Variants in NIPBL observed in about 807,000 individuals in gnomAD.
NIPBL encodes nipped-B-like protein.
A neutral mutation model predicts 321.8 loss-of-function variants in NIPBL; 19 were observed. The observed-to-expected ratio is 0.06, with a 90% CI of 0.04 to 0.09. NIPBL has a LOEUF of 0.09. Among genes scored for constraint, NIPBL ranks in the 10% least tolerant of loss-of-function variants. NIPBL has a pLI of 1.00. For missense variants in NIPBL, 2,210 were observed against 3,327.0 expected (o/e 0.66, Z 8.26); for synonymous variants, 1,106 against 1,114.1 (o/e 0.99, Z 0.14).
intron 42 of NIPBL, among the ~76,000 whole-genome samples, chr5:37,055,127 T>A (rs958136999): frequency 9.9e-5 from 15 of 151,994 alleles, no homozygotes; most frequent in African/African-American, 3.6e-4. Context: ...GGCAGATGGA[T>A]CACCTGAGGT....
At position 36,961,535 on chromosome 5, in the gene NIPBL, C is replaced by T. The variant is rs746963911; in HGVS notation, c.410C>T (p.Pro137Leu). ...TCTCAGAATTCCATGCACAGTAGTCCTGCATCTTCCAATTATCAACAAACC... is the reference window on the plus strand; with the variant it reads ...TCTCAGAATTCCATGCACAGTAGTCTTGCATCTTCCAATTATCAACAAACC... ...KLSQNSMHSS[P>L]ASSNYQQTTI... is the part of the protein sequence containing the mutation. The change falls in exon 5 of 47, where the codon CCT becomes CTT. Residue 137 changes from proline (P) to leucine (L), a missense_variant. Around this residue, in one of 14 missense-constraint regions of NIPBL, gnomAD observed 464 missense variants for 529.5 expected, o/e 0.88. Transcript: ENST00000282516. 6.2e-7 allele frequency: 1 copy of T among 1,612,244 alleles called. No individual in the cohort carries two copies. Among genetic ancestry groups the T allele is most frequent in the Non-Finnish European group, 8.5e-7 (1 of 1,178,452 alleles).
intron 9 of NIPBL, among the ~76,000 whole-genome samples, chr5:36,980,544 T>G (rs933205098): frequency 6.6e-6 from 1 of 151,676 alleles, no homozygotes; most frequent in African/African-American, 2.4e-5. Context: ...AGATATGTTT[T>G]AGATACACAG....
chr5:36,971,062 G>A, intron 7 of NIPBL, 26 bp downstream of exon 7: 1 of 1,587,652 alleles, frequency 6.3e-7, no homozygotes, highest in Non-Finnish European at 8.6e-7. Flanking sequence ...TCATTAAGGT[G>A]ATAAAATAGT....
At chr5:37,043,664 C>G (rs1752686552) in intron 34 of NIPBL, among the ~76,000 whole-genome samples, 1 of 152,216 alleles carries the variant, frequency 6.6e-6, no homozygotes, top group South Asian at 2.1e-4. Flanking sequence ...TGCCACTGCA[C>G]TCCAACCTGG....
At position 36,996,764 on chromosome 5, in the gene NIPBL, CT is replaced by C; in HGVS notation, c.3304+965del. ...AAGTGGGAAGACCACCAGTGTTCTA[CT>C]TTTTCCACCTAGTGTCCATAGATTG... On this transcript the variant is annotated intron_variant, in intron 11 of 46. Transcript: ENST00000282516. The surrounding 1 kb of genome is among the most constrained non-coding windows in gnomAD (Gnocchi z 5.0). 1 of 260,088 alleles carries C rather than the reference CT, an allele frequency of 3.8e-6. No individual in the cohort carries two copies. The highest frequency in any genetic ancestry group is 3.9e-5 in the South Asian group (1 of 25,760). 16.1% of individuals were successfully genotyped at this position (260,088 alleles called of 1,614,324 possible).
At chr5:37,035,461 T>C (rs1417084023) in intron 32 of NIPBL, among the ~76,000 whole-genome samples, 1 of 152,238 alleles carries the variant, frequency 6.6e-6, no homozygotes, top group Non-Finnish European at 1.5e-5. Flanking sequence ...GTTTTAATCA[T>C]TTATGCATCT....
At chr5:36,951,874 G>A (rs1740330846) in intron 1 of NIPBL, among the ~76,000 whole-genome samples, 1 of 151,960 alleles carries the variant, frequency 6.6e-6, no homozygotes, top group Non-Finnish European at 1.5e-5. Flanking sequence ...AGTAAAGAAT[G>A]TACATATAAA....
At chr5:37,016,485 G>A (rs768647146) in intron 23 of NIPBL, among the ~76,000 whole-genome samples, 38 of 151,778 alleles carry the variant, frequency 2.5e-4, no homozygotes, top group Non-Finnish European at 4.9e-4. Flanking sequence ...GCAAGAAAAT[G>A]ATTAATATAG....
intron 1 of NIPBL, among the ~76,000 whole-genome samples, chr5:36,938,121 G>A (rs560425713): frequency 2.4e-4 from 36 of 152,240 alleles, no homozygotes; most frequent in Admixed American, 4.6e-4. Context: ...TTTAGTGGGC[G>A]TGACATGACC....
intron 1 of NIPBL, among the ~76,000 whole-genome samples, chr5:36,907,199 T>C (rs1747704841): frequency 6.6e-6 from 1 of 152,220 alleles, no homozygotes; most frequent in African/African-American, 2.4e-5. Flanking sequence ...GGTGATGTTA[T>C]GCTCTCAGCA....
chr5:36,902,895 A>C (rs1747339367), intron 1 of NIPBL, among the ~76,000 whole-genome samples: 1 of 152,164 alleles, frequency 6.6e-6, no homozygotes, highest in Non-Finnish European at 1.5e-5. Context: ...CTTTCTATCC[A>C]TGATCATGGA....
intron 10 of NIPBL, among the ~76,000 whole-genome samples, chr5:36,992,962 C>G (rs372172343): frequency 5.5e-4 from 83 of 151,992 alleles, no homozygotes; most frequent in African/African-American, 1.9e-3. Context: ...AGGATGGTCT[C>G]GATCTCCTGA....
At chr5:37,038,791 T>C in intron 34 of NIPBL, 53 bp downstream of exon 34, 1 of 1,580,818 alleles carries the variant, frequency 6.3e-7, no homozygotes, top group Non-Finnish European at 8.6e-7. Context: ...TTAAGTGCTT[T>C]AAATTTAGAG....
intron 1 of NIPBL, among the ~76,000 whole-genome samples, 151 bp downstream of exon 1, chr5:36,877,329 C>T (rs1745161510): frequency 6.6e-6 from 1 of 152,140 alleles, no homozygotes; most frequent in Non-Finnish European, 1.5e-5. Flanking sequence ...TCTCTGGTGG[C>T]AGCCGCCTTG....
chr5:37,053,614 G>A (rs1753793892), intron 42 of NIPBL, among the ~76,000 whole-genome samples: 1 of 152,262 alleles, frequency 6.6e-6, no homozygotes, highest in African/African-American at 2.4e-5. Context: ...GGTTGACCAA[G>A]GGTAACTGAA....
At chr5:37,000,670 A>T in intron 12 of NIPBL, 100 bp downstream of exon 12, 2 of 1,359,930 alleles carry the variant, frequency 1.5e-6, no homozygotes, top group Non-Finnish European at 2.1e-6. Context: ...TTAATAACTA[A>T]TTTTCAATTA....
chr5:37,006,336 A>C (rs755594897), intron 16 of NIPBL, 21 bp from the exon 17 acceptor site: 1 of 1,281,376 alleles, frequency 7.8e-7, no homozygotes, highest in African/African-American at 1.5e-5. Flanking sequence ...TTTCCATTTC[A>C]TTAACAATAC....
chr5:36,937,426 A>G (rs190760174), intron 1 of NIPBL, among the ~76,000 whole-genome samples: 21 of 152,276 alleles, frequency 1.4e-4, no homozygotes, highest in African/African-American at 5.1e-4. Flanking sequence ...ATTCCTCTGA[A>G]TATTTCAAAT....
At chr5:37,018,761 C>T (rs1749282920) in intron 24 of NIPBL, among the ~76,000 whole-genome samples, 1 of 152,160 alleles carries the variant, frequency 6.6e-6, no homozygotes, top group Non-Finnish European at 1.5e-5. Flanking sequence ...AGATTTAACA[C>T]ATTTTTCTGA....
Sources: gnomAD v4.1 joint callset for allele counts (sites outside exome capture counted in the v4.1 genomes callset) on GRCh38, gnomAD v4.1.1 for gene constraint, gnomAD v4.1.1 regional missense constraint, Gnocchi (gnomAD v3.1) non-coding constraint, MANE v1.5 for transcripts, NCBI Gene and HGNC (gene_info 2026-07-23, HGNC 2026-07-21) for gene names.